ERICH1: variants seen among roughly 807,000 people sequenced by gnomAD.
The protein encoded by ERICH1 is glutamate-rich protein 1.
A neutral mutation model predicts 39.6 loss-of-function variants in ERICH1; 56 were observed. The ratio of observed to expected loss-of-function variants is 1.41; its 90% CI spans 1.14 to 1.77. ERICH1 has a LOEUF of 1.77. ERICH1 is among the 40% of genes most tolerant of loss of function. The probability of loss-of-function intolerance (pLI) is 0.00; values close to 1 mark genes in which losing one functional copy is unlikely to be tolerated. For missense variants in ERICH1, 826 were observed against 575.4 expected (o/e 1.44, Z -4.45); for synonymous variants, 313 against 223.6 (o/e 1.40, Z -3.57).
chr8:625,440 G>T (rs1380972049), intron 3 of ERICH1, among the ~76,000 whole-genome samples: 1 of 152,176 alleles, frequency 6.6e-6, no homozygotes, highest in East Asian at 1.9e-4. Context: ...ACAGAGACAG[G>T]AAGAAGATTA....
intron 2 of ERICH1, 102 bp from the exon 3 acceptor site, chr8:692,714 G>T: frequency 7.6e-7 from 1 of 1,318,158 alleles, no homozygotes; most frequent in Non-Finnish European, 1.0e-6. Flanking sequence ...ATTCATTCAA[G>T]ACATGAAATC....
At chr8:677,816 T>A (rs1190551093) in intron 3 of ERICH1, among the ~76,000 whole-genome samples, 1 of 152,134 alleles carries the variant, frequency 6.6e-6, no homozygotes, top group Non-Finnish European at 1.5e-5. Flanking sequence ...ATGCGACAGG[T>A]CACGGGGGCG....
At chr8:658,684 A>T (rs1227044275) in intron 3 of ERICH1, among the ~76,000 whole-genome samples, 2 of 152,152 alleles carry the variant, frequency 1.3e-5, no homozygotes, top group Non-Finnish European at 2.9e-5. Flanking sequence ...ATCGGACAAG[A>T]GGAGGACAAG....
chr8:618,061 C>T (rs1483402579), intron 3 of ERICH1, among the ~76,000 whole-genome samples: 1 of 150,678 alleles, frequency 6.6e-6, no homozygotes, highest in East Asian at 2.0e-4. Flanking sequence ...CTCAGTCTGT[C>T]CTCACTGTCC....
chr8:642,437 T>C (rs563208410), intron 3 of ERICH1, among the ~76,000 whole-genome samples: 6 of 146,168 alleles, frequency 4.1e-5, no homozygotes, highest in East Asian at 2.1e-4. Flanking sequence ...CTCCTCCTCC[T>C]GGGTTCACGC....
At chr8:686,872 G>A (rs916878497) in intron 3 of ERICH1, 5 of 152,244 alleles carry the variant, frequency 3.3e-5, no homozygotes, top group Non-Finnish European at 5.9e-5. Context: ...ATAAATCAGC[G>A]TGACAAGAAT....
chr8:703,185 A>T (rs994153224), intron 2 of ERICH1, among the ~76,000 whole-genome samples: 3 of 152,242 alleles, frequency 2.0e-5, no homozygotes, highest in Admixed American at 2.0e-4. Context: ...AGCCAAATGC[A>T]CAGAAATGAA....
chr8:727,111 T>G (rs1272552237), intron 1 of ERICH1, among the ~76,000 whole-genome samples: 3 of 151,214 alleles, frequency 2.0e-5, no homozygotes, highest in East Asian at 1.9e-4. Context: ...CACACATGCA[T>G]GCACAGATAC....
rs1288382104 is a variant in ERICH1 at position 708,698 on chromosome 8, T to TG, written c.169+7162_169+7163insC. On this transcript the variant is annotated intron_variant, in intron 2 of 5. Coordinates refer to ENST00000262109, the MANE Select transcript of ERICH1 (RefSeq NM_207332.3). ...GATAATGAGTTTTTTTTTTTTTTTT[T>TG]TTTTTTTTTTTTTGAGACAGGGTCT... Among the ~76,000 whole-genome samples the TG allele has an allele frequency of 5.1e-4, 71 of 139,770 alleles. 2 individuals are homozygous for TG. Among genetic ancestry groups the TG allele is most frequent in the Admixed American group, 1.3e-3 (18 of 13,758 alleles). 91.7% of individuals were successfully genotyped at this position (139,770 alleles called of 152,430 possible). A position where few individuals can be genotyped will look rare whatever the true frequency, so the allele number is the denominator to read the frequency against.
At chr8:722,935 C>G (rs1344888133) in intron 1 of ERICH1, among the ~76,000 whole-genome samples, 2 of 152,246 alleles carry the variant, frequency 1.3e-5, no homozygotes, top group African/African-American at 2.4e-5. Context: ...TGTAAAGCCA[C>G]TGCAGGAGAA....
At chr8:643,304 G>T (rs1799230507) in intron 3 of ERICH1, among the ~76,000 whole-genome samples, 2 of 152,236 alleles carry the variant, frequency 1.3e-5, no homozygotes, top group African/African-American at 4.8e-5. Flanking sequence ...TGCTCGCAGG[G>T]ACGGGAAGCT....
rs778025915 is a variant in ERICH1 at position 692,575 on chromosome 8, G to A, written c.207C>T (p.Tyr69=). The A allele has an allele frequency of 9.9e-6, 16 of 1,611,712 alleles. No homozygotes were observed. The South Asian group carries it at 1.6e-4, about 17-fold the overall frequency. Reference sequence around the variant, plus strand: ...AGCCCTCAGGAGGCCCGCTGGCAGTGTAGAGCCGTCGGGCAGTCGGGGTCT... The same window carrying A: ...AGCCCTCAGGAGGCCCGCTGGCAGTATAGAGCCGTCGGGCAGTCGGGGTCT... ...GSETPTARRL[Y]TASGPPEGYV... Residue 69 remains tyrosine (Y), a synonymous_variant, in exon 3 of 6, where the codon TAC becomes TAT. Coordinates refer to ENST00000262109, the MANE Select transcript of ERICH1 (RefSeq NM_207332.3).
At chr8:615,073 C>T in exon 4 of ERICH1, 3 of 587,206 alleles carry the variant, frequency 5.1e-6, no homozygotes, top group South Asian at 2.2e-5. Context: ...CCATCGGCCA[C>T]TGAAGATCTC....
intron 3 of ERICH1, among the ~76,000 whole-genome samples, chr8:651,462 G>A (rs1585043771): frequency 6.6e-6 from 1 of 152,364 alleles, no homozygotes; most frequent in Non-Finnish European, 1.5e-5. Flanking sequence ...GGCCTTCAGA[G>A]CAAGAAAGTG....
chr8:693,633 C>A lies in ERICH1; in HGVS notation c.170-1021G>T, dbSNP rs1448647364. On this transcript the variant is annotated intron_variant, in intron 2 of 5. Coordinates refer to ENST00000262109, the MANE Select transcript of ERICH1 (RefSeq NM_207332.3). ...ACCTCCCCTGCTGTGTGCCCCTCTA[C>A]CAGAGGTCACCACCACCGTGGACGG... Among the ~76,000 whole-genome samples the A allele has an allele frequency of 6.6e-5, 10 of 151,358 alleles. No homozygotes were observed. The South Asian group carries it at 1.7e-3, about 25-fold the overall frequency.
chr8:680,451 C>G (rs575812904), intron 3 of ERICH1, among the ~76,000 whole-genome samples: 5 of 148,130 alleles, frequency 3.4e-5, no homozygotes, highest in African/African-American at 1.0e-4. Flanking sequence ...CACAGAAAGT[C>G]CAAGAGAATA....
downstream of ERICH1, among the ~76,000 whole-genome samples, chr8:662,275 T>C (rs918329983): frequency 1.3e-5 from 2 of 152,242 alleles, no homozygotes; most frequent in African/African-American, 4.8e-5. Context: ...AAGACACAAA[T>C]GGGACGTTAA....
chr8:658,068 G>T (rs191047740), intron 3 of ERICH1, among the ~76,000 whole-genome samples: 89 of 152,340 alleles, frequency 5.8e-4, no homozygotes, highest in African/African-American at 2.1e-3. Context: ...CCCCTTTCTA[G>T]AGGCCATTCT....
chr8:633,665 C>T (rs79761951), intron 3 of ERICH1, among the ~76,000 whole-genome samples: 258 of 152,282 alleles, frequency 1.7e-3, no homozygotes, highest in African/African-American at 5.7e-3. Context: ...AAAGCATCAC[C>T]GTCCTGATAT....
Sources: gnomAD v4.1 joint callset for allele counts (sites outside exome capture counted in the v4.1 genomes callset) on GRCh38, gnomAD v4.1.1 for gene constraint, MANE v1.5 for transcripts, NCBI Gene and HGNC (gene_info 2026-07-23, HGNC 2026-07-21) for gene names.